Variants in STAU2 observed in about 807,000 individuals in gnomAD.
STAU2 encodes the protein staufen double-stranded RNA binding protein 2, also known as double-stranded RNA-binding protein Staufen homolog 2.
Under a neutral mutation model 65.9 loss-of-function variants are expected in STAU2, and 20 were observed. The ratio of observed to expected loss-of-function variants is 0.30; its 90% CI spans 0.21 to 0.44. STAU2 has a LOEUF of 0.44. Ranked by LOEUF, STAU2 falls within the 20% of genes least tolerant of loss-of-function variation. The pLI, the probability that STAU2 is intolerant of heterozygous loss-of-function variation, is 1.00. For missense variants in STAU2, 558 were observed against 683.9 expected, an observed-to-expected ratio of 0.82 and a Z score of 2.05; for synonymous variants, 232 against 233.9, an observed-to-expected ratio of 0.99 and a Z score of 0.07.
intron 4 of STAU2, 60 bp from the exon 5 acceptor site, chr8:73,688,873 C>A: frequency 1.9e-6 from 3 of 1,572,920 alleles, no homozygotes; most frequent in Non-Finnish European, 2.6e-6. Context: ...ATAAAATTGG[C>A]TGTCTGAGAG....
At position 73,742,345 on chromosome 8, in the gene STAU2, G is replaced by A. The variant is rs114509215; in HGVS notation, c.-196-2477C>T. On this transcript the variant is annotated intron_variant, in intron 1 of 14. Transcript: ENST00000524300. ...GTCAGGAGTTCGAGACTAGCCTGGC[G>A]AACACGGCAAAATCGTCTCTACTAA... The A allele has an allele frequency of 1.8e-5, 9 of 490,236 alleles. No homozygotes were observed. The Admixed American group carries it at 1.9e-4, about 10-fold the overall frequency. 30.4% of individuals were successfully genotyped at this position (490,236 alleles called of 1,614,324 possible).
At chr8:73,439,190 T>C in intron 13 of STAU2, 1 of 375,466 alleles carries the variant, frequency 2.7e-6, no homozygotes, top group South Asian at 2.0e-5. Context: ...TGATGCGCAG[T>C]TGGGAAGACA....
chr8:73,452,865 G>T (rs1051432650), intron 13 of STAU2, among the ~76,000 whole-genome samples: 1 of 152,164 alleles, frequency 6.6e-6, no homozygotes, highest in Non-Finnish European at 1.5e-5. Flanking sequence ...GCACCGTAAA[G>T]GTACAGTTCA....
rs368568384 is a variant in STAU2, at chr8:73,468,588, A to T, written c.1531-45886T>A. Among the ~76,000 whole-genome samples, 18 of 152,302 alleles carry T rather than the reference A, an allele frequency of 1.2e-4. No homozygotes were observed. The East Asian group carries it at 2.3e-3, about 20-fold the overall frequency. ...AAGGGCTAATATCCAGAATCTACAAAGAACTCAAACAAATTTACAAGAAAA... is the reference window on the plus strand; with the variant it reads ...AAGGGCTAATATCCAGAATCTACAATGAACTCAAACAAATTTACAAGAAAA... On this transcript the variant is annotated intron_variant, in intron 13 of 14. Transcript: ENST00000524300.
intron 5 of STAU2, among the ~76,000 whole-genome samples, chr8:73,679,978 A>T (rs1317608550): frequency 4.5e-4 from 37 of 81,390 alleles, no homozygotes; most frequent in African/African-American, 1.5e-3. Flanking sequence ...TAGGGAAGCC[A>T]TTTTTTTTTT....
chr8:73,497,081 A>G (rs1414216184), intron 13 of STAU2, among the ~76,000 whole-genome samples: 1 of 151,770 alleles, frequency 6.6e-6, no homozygotes, highest in Non-Finnish European at 1.5e-5. Flanking sequence ...GCAGTTTAAA[A>G]TTCTGGATGA....
chr8:73,498,658 G>A (rs1173684273), intron 13 of STAU2, among the ~76,000 whole-genome samples: 1 of 151,684 alleles, frequency 6.6e-6, no homozygotes, highest in Admixed American at 6.6e-5. Flanking sequence ...CAAACACATA[G>A]ACTAATAATT....
Position 73,658,941 on chromosome 8 carries a change from AAC to A in STAU2, c.410+14164_410+14165del, listed in dbSNP as rs1284039286. Among the ~76,000 whole-genome samples the A allele has an allele frequency of 8.3e-3, 373 of 45,210 alleles. 8 individuals are homozygous for A. The South Asian group carries it at 0.087, about 10-fold the overall frequency. 29.7% of individuals were successfully genotyped at this position (45,210 alleles called of 152,430 possible). ...AAACAACAACAACAACAACAAAAACAACAAAAAAAAAAAACCAACCATACTTA... is the reference window on the plus strand; with the variant it reads ...AAACAACAACAACAACAACAAAAACAAAAAAAAAAAAACCAACCATACTTA... On this transcript the variant is annotated intron_variant, in intron 6 of 14. Coordinates refer to ENST00000524300, the MANE Select transcript of STAU2 (RefSeq NM_001164380.2).
chr8:73,531,162 G>A (rs1805783018), intron 13 of STAU2, among the ~76,000 whole-genome samples: 1 of 152,200 alleles, frequency 6.6e-6, no homozygotes, highest in African/African-American at 2.4e-5. Flanking sequence ...GATGAGGAGT[G>A]AAAGAGATCA....
intron 13 of STAU2, among the ~76,000 whole-genome samples, chr8:73,491,869 A>G (rs1821168897): frequency 6.6e-6 from 1 of 151,982 alleles, no homozygotes; most frequent in African/African-American, 2.4e-5. Flanking sequence ...CACTAAACTT[A>G]TCCTTAAGAA....
At chr8:73,487,451 A>G (rs141076201) in intron 13 of STAU2, among the ~76,000 whole-genome samples, 7 of 152,214 alleles carry the variant, frequency 4.6e-5, no homozygotes, top group African/African-American at 1.7e-4. Context: ...GCTCCCAAAC[A>G]TTGCAATGAT....
At chr8:73,623,537 GTGTT>G (rs1443881771) in intron 6 of STAU2, among the ~76,000 whole-genome samples, 2 of 152,088 alleles carry the variant, frequency 1.3e-5, no homozygotes, top group Non-Finnish European at 2.9e-5. Context: ...TTGGATTTCT[GTGTT>G]TATTTCTAAC....
intron 13 of STAU2, chr8:73,550,022 T>C (rs1807215291): frequency 1.0e-6 from 1 of 985,628 alleles, no homozygotes; most frequent in African/African-American, 1.7e-5. Flanking sequence ...ATTATGAAGA[T>C]GGGCTATGCA....
chr8:73,704,441 C>T (rs1160692633), intron 4 of STAU2, among the ~76,000 whole-genome samples: 1 of 152,060 alleles, frequency 6.6e-6, no homozygotes, highest in Non-Finnish European at 1.5e-5. Flanking sequence ...CCATGTATTA[C>T]ATAATATTTG....
At chr8:73,746,748 G>T in intron 1 of STAU2, 35 bp downstream of exon 1, 1 of 1,190,350 alleles carries the variant, frequency 8.4e-7, no homozygotes, top group Non-Finnish European at 1.1e-6. Flanking sequence ...CGCGGAAGTC[G>T]GGGTCTCCCG....
chr8:73,495,685 A>G (rs997602278), intron 13 of STAU2, among the ~76,000 whole-genome samples: 1 of 147,620 alleles, frequency 6.8e-6, no homozygotes, highest in Non-Finnish European at 1.5e-5. Flanking sequence ...ATATATATAT[A>G]TATGTATAGT....
intron 12 of STAU2, among the ~76,000 whole-genome samples, chr8:73,574,986 A>G (rs1809417867): frequency 6.6e-6 from 1 of 151,660 alleles, no homozygotes; most frequent in Non-Finnish European, 1.5e-5. Flanking sequence ...TATTTATTAT[A>G]CCCAACTTAC....
In STAU2 at chr8:73,463,853, T is replaced by A. The variant is rs541019038; in HGVS notation, c.1531-41151A>T. On this transcript the variant is annotated intron_variant, in intron 13 of 14. Transcript: ENST00000524300. The stretch of plus-strand genomic sequence containing the variant: ...GACAGTACCTTATGTCTCCTGGAAC[T>A]GACTTTGAGGGATCTTTCATTTTCT... 1.2e-4 allele frequency among the ~76,000 whole-genome samples: 18 copies of A among 152,346 alleles called. No homozygotes were observed. In the East Asian group the frequency reaches 3.3e-3, roughly 28 times the overall value.
chr8:73,455,706 C>T (rs6472776), intron 13 of STAU2, among the ~76,000 whole-genome samples: 39,799 of 152,060 alleles, frequency 0.26, 5,706 homozygotes, highest in East Asian at 0.53. Flanking sequence ...CTCCAAATTT[C>T]GTGTCTGTCC....
Sources: gnomAD v4.1 joint callset for allele counts (sites outside exome capture counted in the v4.1 genomes callset) on GRCh38, gnomAD v4.1.1 for gene constraint, MANE v1.5 for transcripts, NCBI Gene and HGNC (gene_info 2026-07-23, HGNC 2026-07-21) for gene names.